CEP350: variants seen among roughly 807,000 people sequenced by gnomAD.
CEP350 encodes centrosome-associated protein 350.
In CEP350, 126 loss-of-function variants were observed where a neutral mutation model predicts 331.8. The ratio of observed to expected loss-of-function variants is 0.38; its 90% CI spans 0.33 to 0.44. The LOEUF is 0.44. Among genes scored for constraint, CEP350 ranks in the 20% least tolerant of loss-of-function variants. The pLI is 1.00. For synonymous variants in CEP350, 1,200 were observed against 1,259.5 expected (o/e 0.95, Z 1.00); for missense variants, 3,406 against 3,634.6 (o/e 0.94, Z 1.62).
rs1488643004 is a variant in CEP350, at chr1:180,094,396, A to G, written c.8291A>G (p.Lys2764Arg). ...GACAGTTTACTAAAAGTCTTTGTAA[A>G]GGACACAGTCAATCAACTACAACAA... ...LTDSLLKVFV[K>R]DTVNQLQQIK... The change falls in exon 34 of 38, where the codon AAG becomes AGG. Residue 2764 changes from lysine (K) to arginine (R), a missense_variant. This residue lies in a region of CEP350 where 1,415 missense variants were observed against 1,512.3 expected (regional missense o/e 0.94). Coordinates refer to ENST00000367607, the MANE Select transcript of CEP350 (RefSeq NM_014810.5). 3 of 1,613,674 alleles carry G rather than the reference A, an allele frequency of 1.9e-6. No homozygotes were observed. The highest frequency in any genetic ancestry group is 2.5e-6 in the Non-Finnish European group (3 of 1,179,828).
intron 7 of CEP350, 79 bp downstream of exon 7, chr1:180,003,366 T>C: frequency 1.1e-6 from 1 of 940,650 alleles, no homozygotes; most frequent in Non-Finnish European, 1.6e-6. Context: ...CATAAAATTG[T>C]CACCAAACTA....
intron 1 of CEP350, among the ~76,000 whole-genome samples, chr1:179,963,861 A>G (rs1650809010): frequency 6.6e-6 from 1 of 152,174 alleles, no homozygotes; most frequent in Non-Finnish European, 1.5e-5. Flanking sequence ...TAATTTGTGA[A>G]AAATGATGTT....
In CEP350 at chr1:179,997,061, C is replaced by G. The variant is rs565023645; in HGVS notation, c.904C>G (p.Arg302Gly). ...QWEHSEETNG[R>G]GQKLGHIDHP... ...GGAACACTCAGAAGAAACAAATGGC[C>G]GGGGCCAGAAGCTGGGTCATATTGA... Residue 302 changes from arginine to glycine, a missense_variant, in exon 6 of 38, where the codon CGG becomes GGG. Physicochemically the swap from Arg to Gly is moderately radical, Grantham distance 125. Transcript: ENST00000367607. 3 of 1,613,880 alleles carry G rather than the reference C, an allele frequency of 1.9e-6. No individual in the cohort carries two copies. In the East Asian group the frequency reaches 6.7e-5, roughly 36 times the overall value.
At chr1:179,973,176 A>C (rs1651587345) in intron 1 of CEP350, among the ~76,000 whole-genome samples, 1 of 152,186 alleles carries the variant, frequency 6.6e-6, no homozygotes, top group South Asian at 2.1e-4. Context: ...CGCAATAGGT[A>C]CAACATTTTT....
At chr1:179,981,699 G>T (rs1398400316) in intron 1 of CEP350, among the ~76,000 whole-genome samples, 2 of 152,080 alleles carry the variant, frequency 1.3e-5, no homozygotes, top group Non-Finnish European at 2.9e-5. Context: ...TCATAAAACT[G>T]ATTTAAAACT....
chr1:179,993,092 C>T (rs1653209867), intron 5 of CEP350, among the ~76,000 whole-genome samples: 2 of 149,658 alleles, frequency 1.3e-5, no homozygotes, highest in Non-Finnish European at 3.0e-5. Flanking sequence ...TTTAAGTAGG[C>T]ATTTAAAAAT....
intron 1 of CEP350, among the ~76,000 whole-genome samples, chr1:179,978,387 G>A (rs1652028931): frequency 6.6e-6 from 1 of 152,062 alleles, no homozygotes; most frequent in South Asian, 2.1e-4. Flanking sequence ...TGTTTGTGTT[G>A]GGGACATTCA....
chr1:179,962,125 G>A (rs1163203996), intron 1 of CEP350, among the ~76,000 whole-genome samples: 2 of 152,148 alleles, frequency 1.3e-5, no homozygotes, highest in African/African-American at 4.8e-5. Flanking sequence ...GGTATTACAG[G>A]CGTGAGCCAC....
At chr1:180,095,419 G>A (rs1660428790) in intron 34 of CEP350, 104 bp from the exon 35 acceptor site, 1 of 1,285,510 alleles carries the variant, frequency 7.8e-7, no homozygotes, top group Non-Finnish European at 1.0e-6. Context: ...TACTTATAGA[G>A]AAATATTAGA....
At chr1:179,984,381 T>C (rs1652501737) in intron 1 of CEP350, among the ~76,000 whole-genome samples, 1 of 152,234 alleles carries the variant, frequency 6.6e-6, no homozygotes, top group African/African-American at 2.4e-5. Flanking sequence ...GGTAGAGCTG[T>C]AGTCCTGTGA....
At chr1:180,090,251 A>C (rs1212776217) in intron 32 of CEP350, among the ~76,000 whole-genome samples, 2 of 152,104 alleles carry the variant, frequency 1.3e-5, no homozygotes, top group Admixed American at 1.3e-4. Context: ...GAGAGTTAGA[A>C]ATAGGCTTGA....
chr1:180,048,837 G>GGT, intron 22 of CEP350, 132 bp downstream of exon 22: 2 of 703,304 alleles, frequency 2.8e-6, no homozygotes, highest in Non-Finnish European at 4.7e-6. Context: ...GGGAGGCTGA[G>GGT]CTGGGAGAAT....
At chr1:180,037,190 A>T in intron 17 of CEP350, 101 bp downstream of exon 17, 1 of 1,023,432 alleles carries the variant, frequency 9.8e-7, no homozygotes, top group South Asian at 2.4e-5. Context: ...ATAGAAAAAA[A>T]TAGTCTGCCA....
chr1:179,963,556 T>A (rs1185924146), intron 1 of CEP350, among the ~76,000 whole-genome samples: 1 of 151,952 alleles, frequency 6.6e-6, no homozygotes. Context: ...GTGTGTTTTT[T>A]GGGTTTTTTT....
intron 36 of CEP350, among the ~76,000 whole-genome samples, chr1:180,097,831 A>G (rs1039566762): frequency 2.6e-5 from 4 of 152,236 alleles, no homozygotes; most frequent in African/African-American, 7.2e-5. Flanking sequence ...AAAATAAACT[A>G]TCCCAAAGTC....
At chr1:180,007,454 T>G (rs1321774188) in intron 8 of CEP350, among the ~76,000 whole-genome samples, 1 of 152,210 alleles carries the variant, frequency 6.6e-6, no homozygotes, top group Non-Finnish European at 1.5e-5. Context: ...TTGATGAGGT[T>G]GTTTGTTTCT....
intron 27 of CEP350, among the ~76,000 whole-genome samples, chr1:180,070,104 A>G (rs1658793084): frequency 6.6e-6 from 1 of 152,202 alleles, no homozygotes; most frequent in African/African-American, 2.4e-5. Context: ...GTACACACAT[A>G]TATACAACTT....
Position 180,054,650 on chromosome 1 carries a change from TA to T in CEP350, c.5262+149del. The T allele has an allele frequency of 4.9e-6, 3 of 611,974 alleles. No individual in the cohort carries two copies. The South Asian group carries it at 6.4e-5, about 13-fold the overall frequency. The allele number at this position is 611,974 out of a possible 1,614,324, so 37.9% of individuals were successfully genotyped here. ...CTGTTTATGTTCATACTACTATAATTATAGGGGTTGCTTGGTAATCTACTGT... is the reference window on the plus strand; with the variant it reads ...CTGTTTATGTTCATACTACTATAATTTAGGGGTTGCTTGGTAATCTACTGT... On this transcript the variant is annotated intron_variant, in intron 25 of 37. Transcript: ENST00000367607.
At chr1:179,994,906 G>T (rs114862101) in intron 5 of CEP350, among the ~76,000 whole-genome samples, 262 of 152,230 alleles carry the variant, frequency 1.7e-3, no homozygotes, top group South Asian at 3.7e-3. Context: ...ACTATGTTAT[G>T]TTGTTGTGGC....
Sources: allele counts gnomAD v4.1 joint callset (sites outside exome capture counted in the v4.1 genomes callset), GRCh38; gene constraint gnomAD v4.1.1; regional missense constraint gnomAD v4.1.1; transcripts MANE v1.5; gene names NCBI Gene and HGNC (gene_info 2026-07-23, HGNC 2026-07-21).